CFAP54: variants seen among roughly 807,000 people sequenced by gnomAD.
CFAP54 encodes cilia- and flagella-associated protein 54.
CFAP54 carries 290 observed loss-of-function variants against 370.4 expected under a neutral mutation model. That is an observed-to-expected ratio of 0.78 (90% CI 0.71 to 0.86). The LOEUF is 0.86. Among genes scored for constraint, CFAP54 ranks in the 40% least tolerant of loss-of-function variants. The probability of loss-of-function intolerance (pLI) is 0.00; values close to 1 mark genes in which losing one functional copy is unlikely to be tolerated. For synonymous variants in CFAP54, 1,206 were observed against 1,236.5 expected, an observed-to-expected ratio of 0.98 and a Z score of 0.52; for missense variants, 3,399 against 3,528.7, an observed-to-expected ratio of 0.96 and a Z score of 0.93.
At chr12:96,765,508 T>C (rs1378089763) in intron 60 of CFAP54, among the ~76,000 whole-genome samples, 4 of 152,224 alleles carry the variant, frequency 2.6e-5, no homozygotes, top group Non-Finnish European at 5.9e-5. Context: ...TGGGACCTTT[T>C]GGGACTGTTT....
Position 96,718,988 on chromosome 12 carries a change from A to G in CFAP54, c.6804+466A>G, listed in dbSNP as rs1179980668. ...AGGAGGCAGAGGTTGCAGTGAGTCA[A>G]TATCACGCCACTGCATTCTATTCTG... On this transcript the variant is annotated intron_variant, in intron 49 of 67. Transcript: ENST00000524981. 2.0e-5 allele frequency among the ~76,000 whole-genome samples: 3 copies of G among 152,088 alleles called. No individual in the cohort carries two copies. The East Asian group carries it at 5.8e-4, about 29-fold the overall frequency.
intron 50 of CFAP54, among the ~76,000 whole-genome samples, 155 bp downstream of exon 50, chr12:96,720,720 T>C (rs1957740863): frequency 6.6e-6 from 1 of 152,204 alleles, no homozygotes; most frequent in Admixed American, 6.5e-5. Flanking sequence ...ATACATGATT[T>C]CACTTAAAAT....
At position 96,764,231 on chromosome 12, in the gene CFAP54, A is replaced by G; in HGVS notation, c.8121A>G (p.Ala2707=). Residue 2707 remains alanine (A), a synonymous_variant, in exon 59 of 68, where the codon GCA becomes GCG. Transcript: ENST00000524981. ...TGTACAGTTCATTAGCCTGGATTGC[A>G]ATAAGAGCTGCTGCACAGGTTGGTG... The part of the protein sequence containing the change: ...FEMYSSLAWI[A]IRAAAQVSEA... The G allele has an allele frequency of 6.2e-7, 1 of 1,612,616 alleles. No individual in the cohort carries two copies. Among genetic ancestry groups the G allele is most frequent in the Non-Finnish European group, 8.5e-7 (1 of 1,179,132 alleles).
chr12:96,679,501 G>A, intron 39 of CFAP54, 99 bp from the exon 40 acceptor site: 1 of 1,334,204 alleles, frequency 7.5e-7, no homozygotes, highest in African/African-American at 1.5e-5. Context: ...GCGGCTTTAG[G>A]TTGGGACCAA....
chr12:96,676,641 GT>G (rs1399514033), intron 39 of CFAP54, among the ~76,000 whole-genome samples: 1 of 151,990 alleles, frequency 6.6e-6, no homozygotes, highest in African/African-American at 2.4e-5. Flanking sequence ...CACCTCTGGG[GT>G]TCAAGCGATT....
At chr12:96,545,440 C>T (rs907110549) in intron 14 of CFAP54, among the ~76,000 whole-genome samples, 1 of 151,738 alleles carries the variant, frequency 6.6e-6, no homozygotes, top group South Asian at 2.1e-4. Flanking sequence ...AAAACAGGGC[C>T]AGTAAGTAAA....
chr12:96,769,777 A>G (rs1279744431), intron 60 of CFAP54, among the ~76,000 whole-genome samples: 1 of 152,240 alleles, frequency 6.6e-6, no homozygotes, highest in African/African-American at 2.4e-5. Flanking sequence ...TGAGTCCCGC[A>G]GAACGTAAAC....
At chr12:96,857,100 G>A (rs1396755223) in intron 66 of CFAP54, among the ~76,000 whole-genome samples, 2 of 152,120 alleles carry the variant, frequency 1.3e-5, no homozygotes, top group Non-Finnish European at 2.9e-5. Flanking sequence ...CAGATCTCAT[G>A]AGAACTCACT....
At chr12:96,670,963 T>A (rs752439224) in intron 39 of CFAP54, among the ~76,000 whole-genome samples, 3 of 152,206 alleles carry the variant, frequency 2.0e-5, no homozygotes, top group Non-Finnish European at 4.4e-5. Flanking sequence ...AGGCTTACCC[T>A]GAGCATTCAG....
At chr12:96,860,099 A>C (rs1368079129) in intron 66 of CFAP54, among the ~76,000 whole-genome samples, 1 of 151,740 alleles carries the variant, frequency 6.6e-6, no homozygotes, top group Non-Finnish European at 1.5e-5. Context: ...CTTATTTAAC[A>C]AGTAGACAAG....
At chr12:96,819,894 G>A (rs1959012758) in intron 65 of CFAP54, among the ~76,000 whole-genome samples, 1 of 152,198 alleles carries the variant, frequency 6.6e-6, no homozygotes, top group African/African-American at 2.4e-5. Context: ...GCATAGCCCT[G>A]CTTCTGGGCC....
At chr12:96,792,102 T>TGCCTCC (rs1958704774) in intron 62 of CFAP54, among the ~76,000 whole-genome samples, 1 of 152,058 alleles carries the variant, frequency 6.6e-6, no homozygotes, top group Admixed American at 6.6e-5. Context: ...CACCTGCCTC[T>TGCCTCC]GCCTCCCAAA....
intron 26 of CFAP54, among the ~76,000 whole-genome samples, chr12:96,606,782 AAGAGGCAG>A (rs1182576201): frequency 6.6e-6 from 1 of 152,206 alleles, no homozygotes; most frequent in Non-Finnish European, 1.5e-5. Flanking sequence ...GAACTGAGAC[AAGAGGCAG>A]AGAGGTCAGC....
At chr12:96,704,442 A>C (rs1482417404) in intron 46 of CFAP54, among the ~76,000 whole-genome samples, 2 of 93,610 alleles carry the variant, frequency 2.1e-5, no homozygotes, top group African/African-American at 8.2e-5. Context: ...AAAAAAAAAA[A>C]TGTATGTGTG....
intron 36 of CFAP54, 119 bp from the exon 37 acceptor site, chr12:96,657,763 A>G (rs1956938724): frequency 2.6e-6 from 2 of 755,778 alleles, no homozygotes; most frequent in African/African-American, 1.8e-5. Flanking sequence ...TAAGAAAAAT[A>G]TTTTTTCTTT....
At chr12:96,657,651 A>G (rs1235034230) in intron 36 of CFAP54, among the ~76,000 whole-genome samples, 1 of 152,240 alleles carries the variant, frequency 6.6e-6, no homozygotes, top group African/African-American at 2.4e-5. Flanking sequence ...TCTAGTGGCT[A>G]TAGGGAACGA....
chr12:96,501,014 C>T, intron 2 of CFAP54, 75 bp downstream of exon 2: 6 of 759,646 alleles, frequency 7.9e-6, no homozygotes, highest in South Asian at 6.8e-5. Context: ...AGTCTGATAC[C>T]CTTCCTATTT....
intron 60 of CFAP54, among the ~76,000 whole-genome samples, chr12:96,772,996 A>C (rs934493049): frequency 2.1e-5 from 3 of 142,754 alleles, no homozygotes; most frequent in Middle Eastern, 3.5e-3. Context: ...TTAGGGGACC[A>C]TCATTCTGCC....
intron 17 of CFAP54, among the ~76,000 whole-genome samples, chr12:96,558,031 G>T (rs1016967855): frequency 6.6e-6 from 1 of 152,092 alleles, no homozygotes; most frequent in Non-Finnish European, 1.5e-5. Context: ...GTTTAGGACA[G>T]TGGTTCCTTT....
Sources: allele counts gnomAD v4.1 joint callset (sites outside exome capture counted in the v4.1 genomes callset), GRCh38; gene constraint gnomAD v4.1.1; transcripts MANE v1.5; gene names NCBI Gene and HGNC (gene_info 2026-07-23, HGNC 2026-07-21).